KLHL2: variants seen among roughly 807,000 people sequenced by gnomAD.
KLHL2 encodes the protein kelch-like protein 2.
Under a neutral mutation model 75.8 loss-of-function variants are expected in KLHL2, and 15 were observed. That is an observed-to-expected ratio of 0.20 (90% CI 0.13 to 0.30). The LOEUF (loss-of-function observed/expected upper bound fraction) is 0.30. Among genes scored for constraint, KLHL2 ranks in the 10% least tolerant of loss-of-function variants. The probability of loss-of-function intolerance (pLI) is 1.00; values close to 1 mark genes in which losing one functional copy is unlikely to be tolerated. For synonymous variants in KLHL2, 214 were observed against 251.9 expected, an observed-to-expected ratio of 0.85 and a Z score of 1.42; for missense variants, 381 against 741.0, an observed-to-expected ratio of 0.51 and a Z score of 5.64.
At chr4:165,227,523 A>G (rs1335649673) in intron 2 of KLHL2, among the ~76,000 whole-genome samples, 2 of 152,230 alleles carry the variant, frequency 1.3e-5, no homozygotes, top group African/African-American at 4.8e-5. Flanking sequence ...TTTTTAGGAA[A>G]TAGAACAGTA....
chr4:165,229,101 A>G (rs752239934), intron 3 of KLHL2, among the ~76,000 whole-genome samples, 188 bp downstream of exon 3: 1 of 152,214 alleles, frequency 6.6e-6, no homozygotes, highest in African/African-American at 2.4e-5. Context: ...CAGTAAGCCT[A>G]TACATAGGTA....
chr4:165,291,112 G>T (rs1160142493), intron 5 of KLHL2, among the ~76,000 whole-genome samples: 3 of 152,096 alleles, frequency 2.0e-5, no homozygotes, highest in Non-Finnish European at 2.9e-5. Context: ...GTGCTTATTT[G>T]CCATTTGTAT....
At chr4:165,242,383 C>G (rs1739884289) in intron 4 of KLHL2, among the ~76,000 whole-genome samples, 1 of 152,212 alleles carries the variant, frequency 6.6e-6, no homozygotes, top group Non-Finnish European at 1.5e-5. Context: ...GGCACATTAG[C>G]TTATCTGCAC....
intron 5 of KLHL2, among the ~76,000 whole-genome samples, chr4:165,293,611 C>T (rs1744682898): frequency 6.6e-6 from 1 of 151,144 alleles, no homozygotes; most frequent in South Asian, 2.1e-4. Flanking sequence ...CATTGCCATT[C>T]TCCTGCCTCA....
intron 5 of KLHL2, among the ~76,000 whole-genome samples, chr4:165,280,510 G>A (rs753439091): frequency 2.6e-5 from 4 of 152,136 alleles, no homozygotes; most frequent in East Asian, 1.9e-4. Flanking sequence ...TTTAATAATC[G>A]TATTGCTAGC....
intron 2 of KLHL2, among the ~76,000 whole-genome samples, chr4:165,222,687 A>T (rs564939990): frequency 3.3e-5 from 5 of 151,734 alleles, no homozygotes; most frequent in African/African-American, 1.2e-4. Flanking sequence ...GTAATTCTTT[A>T]AAAAAAAATC....
intron 4 of KLHL2, among the ~76,000 whole-genome samples, chr4:165,252,006 T>C (rs1740775036): frequency 6.6e-6 from 1 of 152,208 alleles, no homozygotes; most frequent in Non-Finnish European, 1.5e-5. Flanking sequence ...TATTAAAATA[T>C]ATGGTCCTTG....
At chr4:165,273,081 A>C (rs1461199686) in intron 5 of KLHL2, among the ~76,000 whole-genome samples, 1 of 152,240 alleles carries the variant, frequency 6.6e-6, no homozygotes, top group Non-Finnish European at 1.5e-5. Context: ...AGCATGTACA[A>C]GAATAGAATA....
At chr4:165,279,751 C>T (rs6831119) in intron 5 of KLHL2, 195,086 of 851,652 alleles carry the variant, frequency 0.23, 25,825 homozygotes, top group Non-Finnish European at 0.28. Context: ...CGCGCGAGTC[C>T]GCTGAACTAG....
In KLHL2 at chr4:165,322,054, A is replaced by C. The variant is rs1747026520; in HGVS notation, c.1776A>C (p.Pro592=). ...SYAGVTVIDK[P]L is the part of the protein sequence containing the mutation. ...CAGGGGTCACAGTTATTGATAAACCATTATGAGCCTGAAGGACATTTTCAG... is the reference window on the plus strand; with the variant it reads ...CAGGGGTCACAGTTATTGATAAACCCTTATGAGCCTGAAGGACATTTTCAG... The change falls in exon 15 of 15, where the codon CCA becomes CCC. Residue 592 remains proline, a synonymous_variant. Transcript: ENST00000226725. The C allele has an allele frequency of 6.2e-7, 1 of 1,613,686 alleles. No homozygotes were observed. The highest frequency in any genetic ancestry group is 2.2e-5 in the East Asian group (1 of 44,854).
chr4:165,254,851 C>T (rs957272688), intron 4 of KLHL2, among the ~76,000 whole-genome samples: 5 of 152,156 alleles, frequency 3.3e-5, no homozygotes, highest in Non-Finnish European at 7.3e-5. Context: ...AGGAAGCTAC[C>T]TATATTGTGA....
At chr4:165,286,592 CAG>C (rs1744111811) in intron 5 of KLHL2, among the ~76,000 whole-genome samples, 1 of 152,020 alleles carries the variant, frequency 6.6e-6, no homozygotes, top group South Asian at 2.1e-4. Flanking sequence ...TTAAAATCAG[CAG>C]AGAGGTTGAG....
intron 4 of KLHL2, among the ~76,000 whole-genome samples, chr4:165,255,686 C>G (rs554505294): frequency 9.9e-4 from 150 of 152,214 alleles, no homozygotes; most frequent in African/African-American, 3.5e-3. Context: ...ACTCTCCACC[C>G]AGATCTGCCT....
intron 3 of KLHL2, among the ~76,000 whole-genome samples, chr4:165,237,336 G>T (rs1187345196): frequency 6.8e-6 from 1 of 146,848 alleles, no homozygotes; most frequent in Non-Finnish European, 1.5e-5. Flanking sequence ...ATACAACTCA[G>T]TCCCCTTTCA....
chr4:165,251,771 G>A (rs28397216), intron 4 of KLHL2, among the ~76,000 whole-genome samples: 3,290 of 151,486 alleles, frequency 0.022, 82 homozygotes, highest in East Asian at 0.1. Context: ...CACTACGCCC[G>A]GCTAATTTTT....
intron 2 of KLHL2, among the ~76,000 whole-genome samples, chr4:165,224,282 T>G (rs1280620788): frequency 6.6e-6 from 1 of 152,182 alleles, no homozygotes; most frequent in Non-Finnish European, 1.5e-5. Context: ...GTACTTGAGC[T>G]TTAACAATTT....
At chr4:165,245,308 A>G (rs1214396443) in intron 4 of KLHL2, among the ~76,000 whole-genome samples, 7 of 152,032 alleles carry the variant, frequency 4.6e-5, no homozygotes, top group Non-Finnish European at 7.4e-5. Flanking sequence ...GCTGCAGAGA[A>G]CCTGGCCTCA....
intron 5 of KLHL2, among the ~76,000 whole-genome samples, chr4:165,276,719 A>T (rs1743144768): frequency 1.3e-5 from 2 of 152,148 alleles, no homozygotes; most frequent in Admixed American, 6.5e-5. Context: ...GTCATCCCAG[A>T]TAGCAATTTC....
At chr4:165,320,640 C>T (rs974437919) in intron 14 of KLHL2, among the ~76,000 whole-genome samples, 1 of 152,136 alleles carries the variant, frequency 6.6e-6, no homozygotes, top group African/African-American at 2.4e-5. Flanking sequence ...ACAGAGAAAA[C>T]ATGAAAGTCT....
Sources: gnomAD v4.1 joint callset for allele counts (sites outside exome capture counted in the v4.1 genomes callset) on GRCh38, gnomAD v4.1.1 for gene constraint, MANE v1.5 for transcripts, NCBI Gene and HGNC (gene_info 2026-07-23, HGNC 2026-07-21) for gene names.